EYS: variants seen among roughly 807,000 people sequenced by gnomAD.
EYS encodes EGF-like photoreceptor maintenance factor, also known as protein eyes shut homolog.
A neutral mutation model predicts 282.1 loss-of-function variants in EYS; 250 were observed. The ratio of observed to expected loss-of-function variants is 0.89; its 90% CI spans 0.80 to 0.98. The LOEUF (loss-of-function observed/expected upper bound fraction) is 0.98. Ranked by LOEUF, EYS falls within the 50% of genes least tolerant of loss-of-function variation. The pLI is 0.00. For missense variants in EYS, 4,016 were observed against 3,709.0 expected (o/e 1.08, Z -2.15); for synonymous variants, 1,355 against 1,282.9 (o/e 1.06, Z -1.20).
At chr6:65,331,823 A>G (rs1769807197) in intron 11 of EYS, 1 of 615,382 alleles carries the variant, frequency 1.6e-6, no homozygotes, top group Admixed American at 6.4e-5. Context: ...ATTGAAGCAC[A>G]TATCAGTAAT....
At chr6:63,841,062 T>C (rs1743726191) in intron 36 of EYS, among the ~76,000 whole-genome samples, 1 of 152,198 alleles carries the variant, frequency 6.6e-6, no homozygotes, top group Non-Finnish European at 1.5e-5. Context: ...AGCATGTTAA[T>C]GTCAAATTTA....
chr6:64,203,860 AG>A (rs891931799), intron 31 of EYS, among the ~76,000 whole-genome samples: 2 of 152,160 alleles, frequency 1.3e-5, no homozygotes, highest in Non-Finnish European at 2.9e-5. Flanking sequence ...AAGTACTTTG[AG>A]GGAGAACAGA....
intron 12 of EYS, among the ~76,000 whole-genome samples, chr6:65,206,266 A>G (rs1766031357): frequency 6.6e-6 from 1 of 151,742 alleles, no homozygotes; most frequent in Non-Finnish European, 1.5e-5. Flanking sequence ...CATCAGCTGT[A>G]TGTGCACAAA....
intron 2 of EYS, among the ~76,000 whole-genome samples, chr6:65,600,879 T>C (rs354344): frequency 0.055 from 8,340 of 152,014 alleles, 474 homozygotes; most frequent in East Asian, 0.16. Context: ...CCTTTCCCTA[T>C]TGTTTTAGGT....
At chr6:64,874,929 G>A (rs1766698817) in intron 19 of EYS, among the ~76,000 whole-genome samples, 1 of 152,004 alleles carries the variant, frequency 6.6e-6, no homozygotes, top group South Asian at 2.1e-4. Flanking sequence ...GATGAGGCGA[G>A]CTGAGATCAC....
At chr6:64,144,569 C>T (rs77531393) in intron 31 of EYS, among the ~76,000 whole-genome samples, 1,744 of 152,266 alleles carry the variant, frequency 0.011, 33 homozygotes, top group African/African-American at 0.039. Context: ...TCTCAAGTCA[C>T]AGCACTTGTT....
In EYS at chr6:63,732,356, A is replaced by C. The variant is rs1582151549; in HGVS notation, c.8072-5676T>G. 2.6e-5 allele frequency among the ~76,000 whole-genome samples: 4 copies of C among 152,222 alleles called. No homozygotes were observed. In the South Asian group the frequency reaches 8.3e-4, roughly 32 times the overall value. Reference sequence around the variant, plus strand: ...ATTATTTGATTAAGTATTCAGTAACAAAGTACTGGGGAGGATTGCATTTTC... The same window carrying C: ...ATTATTTGATTAAGTATTCAGTAACCAAGTACTGGGGAGGATTGCATTTTC... On this transcript the variant is annotated intron_variant, in intron 41 of 42. Coordinates refer to ENST00000503581, the MANE Select transcript of EYS (RefSeq NM_001142800.2).
intron 12 of EYS, among the ~76,000 whole-genome samples, chr6:65,175,834 T>A (rs1378844206): frequency 3.3e-5 from 5 of 151,512 alleles, no homozygotes; most frequent in Non-Finnish European, 1.5e-5. Context: ...AACCATAACC[T>A]TTGTAGAACT....
intron 12 of EYS, among the ~76,000 whole-genome samples, chr6:65,259,636 T>A (rs1767565660): frequency 1.3e-5 from 2 of 152,092 alleles, no homozygotes; most frequent in South Asian, 4.1e-4. Context: ...GATTATTGGT[T>A]TGTTTTGTTT....
chr6:65,261,192 G>T (rs1460357885), intron 12 of EYS, among the ~76,000 whole-genome samples: 1 of 151,810 alleles, frequency 6.6e-6, no homozygotes, highest in Non-Finnish European at 1.5e-5. Flanking sequence ...TCACAGTGTG[G>T]AATCAAGAAA....
In EYS at chr6:64,027,985, T is replaced by A. The variant is rs557209201; in HGVS notation, c.6726-28802A>T. Among the ~76,000 whole-genome samples, 4 of 152,356 alleles carry A rather than the reference T, an allele frequency of 2.6e-5. No homozygotes were observed. In the East Asian group the frequency reaches 5.8e-4, roughly 22 times the overall value. On this transcript the variant is annotated intron_variant, in intron 33 of 42. Transcript: ENST00000503581. ...TCAAGGTCCATTACCATCTGAGGAA[T>A]CCTGGGACAGCCTGTAACCAGGTAT...
Position 63,985,198 on chromosome 6 carries a change from G to C in EYS, c.6835-595C>G, listed in dbSNP as rs561766395. Among the ~76,000 whole-genome samples, 3 of 151,766 alleles carry C rather than the reference G, an allele frequency of 2.0e-5. No homozygotes were observed. In the East Asian group the frequency reaches 5.9e-4, roughly 30 times the overall value. On this transcript the variant is annotated intron_variant, in intron 34 of 42. Transcript: ENST00000503581. Reference sequence around the variant, plus strand: ...TTTAGGACTTTTATAAAGAAGCTTGGATACAGACCGACTGGCACACAGGAA... The same window carrying C: ...TTTAGGACTTTTATAAAGAAGCTTGCATACAGACCGACTGGCACACAGGAA...
intron 15 of EYS, among the ~76,000 whole-genome samples, chr6:64,942,425 C>A (rs1245699082): frequency 2.1e-5 from 3 of 142,242 alleles, no homozygotes. Context: ...TCAACTTAAC[C>A]AGAAGTTGGT....
At chr6:63,847,576 A>G (rs1229925662) in intron 36 of EYS, among the ~76,000 whole-genome samples, 1 of 152,196 alleles carries the variant, frequency 6.6e-6, no homozygotes, top group Non-Finnish European at 1.5e-5. Flanking sequence ...ACCCAGTTAA[A>G]TTATTTTGAC....
At chr6:64,160,978 C>T (rs1010372134) in intron 31 of EYS, among the ~76,000 whole-genome samples, 1 of 152,118 alleles carries the variant, frequency 6.6e-6, no homozygotes, top group Non-Finnish European at 1.5e-5. Context: ...AAAAGCCTCA[C>T]AGGCCTCAGA....
intron 8 of EYS, among the ~76,000 whole-genome samples, chr6:65,369,961 G>A (rs1765073805): frequency 6.6e-6 from 1 of 151,596 alleles, no homozygotes; most frequent in Non-Finnish European, 1.5e-5. Flanking sequence ...TGTCTCCGAA[G>A]ACTGATAAAT....
Position 64,902,412 on chromosome 6 carries a change from G to T in EYS, c.2730C>A (p.Asn910Lys). Residue 910 changes from asparagine (N) to lysine (K), a missense_variant, in exon 17 of 43, where the codon AAC becomes AAA. Transcript: ENST00000503581. The part of the protein sequence containing the change: ...QDYGDCEDMV[N>K]NFRCICRPGF... ...TTTTAAGTTTTCTGTACCTGAAATT[G>T]TTGACCATATCTTCACAGTCACCAT... 2 of 1,537,940 alleles carry T rather than the reference G, an allele frequency of 1.3e-6. No individual in the cohort carries two copies. Among genetic ancestry groups the T allele is most frequent in the Non-Finnish European group, 1.8e-6 (2 of 1,142,212 alleles).
intron 30 of EYS, among the ~76,000 whole-genome samples, chr6:64,281,578 C>T (rs1768311835): frequency 6.6e-6 from 1 of 152,016 alleles, no homozygotes; most frequent in Admixed American, 6.6e-5. Flanking sequence ...ACTATTAAAG[C>T]ACTGATAAAC....
At chr6:64,513,163 A>G (rs1351233564) in intron 26 of EYS, among the ~76,000 whole-genome samples, 1 of 151,984 alleles carries the variant, frequency 6.6e-6, no homozygotes, top group Non-Finnish European at 1.5e-5. Flanking sequence ...TAATTTAATT[A>G]TAAAATAGCT....
Sources: allele counts gnomAD v4.1 joint callset (sites outside exome capture counted in the v4.1 genomes callset), GRCh38; gene constraint gnomAD v4.1.1; transcripts MANE v1.5; gene names NCBI Gene and HGNC (gene_info 2026-07-23, HGNC 2026-07-21).